ZNF79: variants seen among roughly 807,000 people sequenced by gnomAD.
The protein encoded by ZNF79 is ZNFpT7.
In ZNF79, 13 loss-of-function variants were observed where a neutral mutation model predicts 14.9. That is an observed-to-expected ratio of 0.87 (90% CI 0.57 to 1.38). ZNF79 has a LOEUF of 1.38. Among genes scored for constraint, ZNF79 ranks in the 40% most tolerant of loss-of-function variants. The probability of loss-of-function intolerance (pLI) is 0.00; values close to 1 mark genes in which losing one functional copy is unlikely to be tolerated. For synonymous variants in ZNF79, 223 were observed against 235.1 expected (o/e 0.95, Z 0.47); for missense variants, 631 against 630.6 (o/e 1.00, Z -0.01).
Position 127,427,542 on chromosome 9 carries a change from CT to C in ZNF79, c.17-1273del, listed in dbSNP as rs71378001. On this transcript the variant is annotated intron_variant, in intron 1 of 4. Transcript: ENST00000342483. ...ACTGTACCCAGTCAATAACTAAATT[CT>C]TTTTTTTTTTTTTTTTGAGGCAGAG... Among the ~76,000 whole-genome samples, 93 of 132,542 alleles carry C rather than the reference CT, an allele frequency of 7.0e-4. 1 individual carries two copies. The highest frequency in any genetic ancestry group is 7.3e-4 in the Admixed American group (9 of 12,248). 87.0% of individuals were successfully genotyped at this position (132,542 alleles called of 152,430 possible).
Position 127,435,984 on chromosome 9 carries a change from C to G in ZNF79, c.309C>G (p.Asp103Glu), listed in dbSNP as rs1394345992. Residue 103 changes from aspartate to glutamate, a missense_variant, in exon 4 of 5, where the codon GAC (aspartate) becomes GAG (glutamate). Coordinates refer to ENST00000342483, the MANE Select transcript of ZNF79 (RefSeq NM_007135.3). Reference sequence around the variant, plus strand: ...GCGCATGGATGCTGGAGGGCGAAGACCTGCGAAGTCCCTCTCCAGGTATGT... The same window carrying G: ...GCGCATGGATGCTGGAGGGCGAAGAGCTGCGAAGTCCCTCTCCAGGTATGT... ...REGAWMLEGE[D>E]LRSPSPGWKI... The G allele has an allele frequency of 1.2e-6, 2 of 1,614,226 alleles. No homozygotes were observed. Among genetic ancestry groups the G allele is most frequent in the Non-Finnish European group, 8.5e-7 (1 of 1,180,022 alleles).
intron 2 of ZNF79, among the ~76,000 whole-genome samples, chr9:127,433,723 C>T (rs1261201426): frequency 6.6e-6 from 1 of 152,142 alleles, no homozygotes; most frequent in Non-Finnish European, 1.5e-5. Context: ...ACTCTGTGGG[C>T]CCCAAAACAA....
At chr9:127,443,946 T>C (rs1407768672) in intron 4 of ZNF79, 83 bp from the exon 5 acceptor site, 3 of 1,021,590 alleles carry the variant, frequency 2.9e-6, no homozygotes, top group Non-Finnish European at 1.4e-6. Flanking sequence ...CAAACCTGTG[T>C]GTGTAAGAGC....
At chr9:127,430,196 G>A (rs879089086) in intron 2 of ZNF79, among the ~76,000 whole-genome samples, 2 of 152,138 alleles carry the variant, frequency 1.3e-5, no homozygotes, top group Admixed American at 6.6e-5. Flanking sequence ...ACCAGAATTC[G>A]ATGAACATTC....
rs1833810209 is a variant in ZNF79, at chr9:127,428,918, C to CG, written c.105+1dup. ...TGCTGGTCTCCTCACAGCTGGGCCC[C>CG]GGGTAAGTTGGAAATTAACTTTGGA... is the stretch of plus-strand genomic sequence containing the variant. On this transcript the variant is annotated frameshift_variant and splice_region_variant, in exon 2 of 5. Coordinates refer to ENST00000342483, the MANE Select transcript of ZNF79 (RefSeq NM_007135.3). LOFTEE classifies it high-confidence loss of function. 6.4e-7 allele frequency: 1 copy of CG among 1,574,622 alleles called. No homozygotes were observed. Among genetic ancestry groups the CG allele is most frequent in the African/African-American group, 1.4e-5 (1 of 72,958 alleles).
chr9:127,435,866 C>T (rs762696497), intron 3 of ZNF79, 42 bp from the exon 4 acceptor site: 1 of 1,565,678 alleles, frequency 6.4e-7, no homozygotes, highest in South Asian at 1.1e-5. Flanking sequence ...GCTGTTCATA[C>T]TTACTTACAA....
In ZNF79 at chr9:127,444,905, C is replaced by A; in HGVS notation, c.1205C>A (p.Thr402Asn). The change falls in exon 5 of 5, where the codon ACC becomes AAC. Residue 402 changes from threonine to asparagine, a missense_variant. Physicochemically the swap from Thr to Asn is moderately conservative, Grantham distance 65. Transcript: ENST00000342483. ...TGTGGGAAGGCCTTCAGCCAGAGTA[C>A]CAATCTCATAATCCACCAAAAGACC... ...SECGKAFSQSTNLIIHQKTHT... is the reference protein window; with the variant it reads ...SECGKAFSQSNNLIIHQKTHT... The A allele has an allele frequency of 6.2e-7, 1 of 1,614,122 alleles. No individual in the cohort carries two copies. The highest frequency in any genetic ancestry group is 8.5e-7 in the Non-Finnish European group (1 of 1,180,022).
At chr9:127,432,369 C>T (rs747628411) in intron 2 of ZNF79, among the ~76,000 whole-genome samples, 10 of 151,850 alleles carry the variant, frequency 6.6e-5, no homozygotes, top group Non-Finnish European at 1.5e-4. Flanking sequence ...AGGATGGTCT[C>T]GATCTCCTGA....
At chr9:127,428,706 C>T (rs1419310309) in intron 1 of ZNF79, 126 bp from the exon 2 acceptor site, 2 of 1,259,450 alleles carry the variant, frequency 1.6e-6, no homozygotes, top group Non-Finnish European at 2.0e-6. Context: ...GAGAAATTTA[C>T]ATCACACTAC....
rs779406091 is a variant in ZNF79, at chr9:127,436,001, C to T, written c.326C>T (p.Pro109Leu). ...LEGEDLRSPS[P>L]GWKIISGSPP... is the part of the protein sequence containing the mutation. ...GGCGAAGACCTGCGAAGTCCCTCTC[C>T]AGGTATGTGAGCAAGCACTTAGCCA... is the stretch of plus-strand genomic sequence containing the variant. The change falls in exon 4 of 5, where the codon CCA becomes CTA. Residue 109 changes from proline to leucine, a missense_variant and splice_region_variant. By Grantham distance (98) the Pro-to-Leu change is moderately conservative. Coordinates refer to ENST00000342483, the MANE Select transcript of ZNF79 (RefSeq NM_007135.3). 2 of 1,614,116 alleles carry T rather than the reference C, an allele frequency of 1.2e-6. No homozygotes were observed.
At chr9:127,435,246 A>G in intron 3 of ZNF79, 30 bp downstream of exon 3, 1 of 1,564,006 alleles carries the variant, frequency 6.4e-7, no homozygotes, top group African/African-American at 1.4e-5. Flanking sequence ...AAGATTTAGA[A>G]TCACTCAATT....
At chr9:127,430,939 A>G (rs1007124652) in intron 2 of ZNF79, among the ~76,000 whole-genome samples, 1 of 152,158 alleles carries the variant, frequency 6.6e-6, no homozygotes, top group Non-Finnish European at 1.5e-5. Flanking sequence ...CCTCGCCAGC[A>G]TCTGTTATTT....
intron 2 of ZNF79, among the ~76,000 whole-genome samples, chr9:127,433,292 A>G (rs1833892255): frequency 6.6e-6 from 1 of 152,082 alleles, no homozygotes; most frequent in Admixed American, 6.5e-5. Flanking sequence ...ATCAATGGGG[A>G]TTGATGCTGC....
intron 2 of ZNF79, among the ~76,000 whole-genome samples, chr9:127,432,099 AT>A (rs1180081940): frequency 6.9e-6 from 1 of 144,648 alleles, no homozygotes; most frequent in Non-Finnish European, 1.5e-5. Context: ...TTATTAATAC[AT>A]TTTTTTCTTT....
chr9:127,429,692 G>C (rs1833826193), intron 2 of ZNF79, among the ~76,000 whole-genome samples: 2 of 151,886 alleles, frequency 1.3e-5, no homozygotes, highest in African/African-American at 4.8e-5. Flanking sequence ...AGTAATTCAT[G>C]TTCCCCACAG....
chr9:127,435,058 A>G (rs1177235035), intron 2 of ZNF79, 32 bp from the exon 3 acceptor site: 26 of 1,592,834 alleles, frequency 1.6e-5, no homozygotes, highest in Non-Finnish European at 2.1e-5. Flanking sequence ...TCCTAAGGCC[A>G]CTGGCAAGAT....
At chr9:127,426,805 G>C (rs986464924) in intron 1 of ZNF79, among the ~76,000 whole-genome samples, 1 of 152,090 alleles carries the variant, frequency 6.6e-6, no homozygotes, top group Non-Finnish European at 1.5e-5. Flanking sequence ...GATTTCTCTT[G>C]GGCATATACT....
chr9:127,436,011 AGCAAG>A lies in ZNF79; in HGVS notation c.328+9_328+13del. ...TGCGAAGTCCCTCTCCAGGTATGTG[AGCAAG>A]CACTTAGCCAGTGGGAGTCTTGGGA... On this transcript the variant is annotated intron_variant, in intron 4 of 4. Coordinates refer to ENST00000342483, the MANE Select transcript of ZNF79 (RefSeq NM_007135.3). 6.2e-7 allele frequency: 1 copy of A among 1,613,590 alleles called. No individual in the cohort carries two copies. Among genetic ancestry groups the A allele is most frequent in the Non-Finnish European group, 8.5e-7 (1 of 1,179,474 alleles).
chr9:127,443,691 G>C (rs963027860), intron 4 of ZNF79, among the ~76,000 whole-genome samples: 3 of 152,064 alleles, frequency 2.0e-5, no homozygotes. Flanking sequence ...CACGAGGTCA[G>C]GAAATCGAGA....
Sources: allele counts gnomAD v4.1 joint callset (sites outside exome capture counted in the v4.1 genomes callset), GRCh38; gene constraint gnomAD v4.1.1; transcripts MANE v1.5; gene names NCBI Gene and HGNC (gene_info 2026-07-23, HGNC 2026-07-21).